NPAS3: variants seen among roughly 807,000 people sequenced by gnomAD.
NPAS3 encodes the protein neuronal PAS domain-containing protein 3.
In NPAS3, 14 loss-of-function variants were observed where a neutral mutation model predicts 73.1. The observed-to-expected ratio is 0.19, with a 90% CI of 0.13 to 0.30. The LOEUF (loss-of-function observed/expected upper bound fraction) is 0.30, where lower values mean the gene tolerates loss of function less well. NPAS3 is among the 10% of genes least tolerant of loss of function. The pLI is 1.00. For missense variants in NPAS3, 1,096 were observed against 1,250.0 expected, an observed-to-expected ratio of 0.88 and a Z score of 1.86; for synonymous variants, 620 against 541.5, an observed-to-expected ratio of 1.14 and a Z score of -2.01.
chr14:33,649,168 A>G (rs2058918616), intron 5 of NPAS3, among the ~76,000 whole-genome samples: 1 of 152,176 alleles, frequency 6.6e-6, no homozygotes, highest in Non-Finnish European at 1.5e-5. Context: ...CAGTATACAA[A>G]ACTTGATTGT....
At chr14:33,751,592 C>T (rs2061964319) in intron 7 of NPAS3, among the ~76,000 whole-genome samples, 1 of 152,206 alleles carries the variant, frequency 6.6e-6, no homozygotes, top group South Asian at 2.1e-4. Flanking sequence ...TTGGAAATGT[C>T]TCTGTATTTG....
chr14:33,448,800 G>T (rs2049644904), intron 4 of NPAS3, among the ~76,000 whole-genome samples: 1 of 152,174 alleles, frequency 6.6e-6, no homozygotes, highest in South Asian at 2.1e-4. Context: ...TGTCCGTACA[G>T]ATGTGAATGA....
chr14:33,466,708 C>T (rs2050542556), intron 4 of NPAS3, among the ~76,000 whole-genome samples: 2 of 152,146 alleles, frequency 1.3e-5, no homozygotes, highest in South Asian at 4.1e-4. Context: ...AGAGGCGTCT[C>T]ACATGATGGG....
At chr14:32,992,044 C>T (rs2038356267) in intron 1 of NPAS3, among the ~76,000 whole-genome samples, 1 of 152,212 alleles carries the variant, frequency 6.6e-6, no homozygotes, top group African/African-American at 2.4e-5. Context: ...AGCCAGATTA[C>T]ACTTAGAAGG....
At chr14:32,988,751 A>C (rs768841197) in intron 1 of NPAS3, among the ~76,000 whole-genome samples, 3 of 152,216 alleles carry the variant, frequency 2.0e-5, no homozygotes, top group African/African-American at 4.8e-5. Flanking sequence ...ATGTTCTCCA[A>C]AACTTCTCTA....
chr14:33,239,221 G>T (rs1475310268), intron 3 of NPAS3, among the ~76,000 whole-genome samples: 1 of 151,786 alleles, frequency 6.6e-6, no homozygotes, highest in African/African-American at 2.4e-5. Context: ...AAGTGATAAA[G>T]GGGAGTTTCA....
intron 4 of NPAS3, among the ~76,000 whole-genome samples, chr14:33,404,133 G>T (rs2138793641): frequency 6.6e-6 from 1 of 152,198 alleles, no homozygotes; most frequent in African/African-American, 2.4e-5. Context: ...ATTCTAGCTG[G>T]AAGGACTGGA....
At chr14:33,308,574 TGTATATC>T (rs1224084965) in intron 3 of NPAS3, among the ~76,000 whole-genome samples, 31 of 45,984 alleles carry the variant, frequency 6.7e-4, no homozygotes, top group Non-Finnish European at 9.5e-4. Flanking sequence ...ATTATATATA[TGTATATC>T]TATATATATG....
At chr14:33,658,803 C>T (rs1000444472) in intron 5 of NPAS3, among the ~76,000 whole-genome samples, 3 of 152,144 alleles carry the variant, frequency 2.0e-5, no homozygotes, top group African/African-American at 7.2e-5. Flanking sequence ...CTTCATCCCC[C>T]ACTAATAGTG....
chr14:33,591,612 T>G (rs2057069493), intron 5 of NPAS3, among the ~76,000 whole-genome samples: 1 of 152,170 alleles, frequency 6.6e-6, no homozygotes, highest in Non-Finnish European at 1.5e-5. Flanking sequence ...CAGCCTAATC[T>G]CAGTTGATTC....
At chr14:33,742,879 A>C (rs116249998) in intron 7 of NPAS3, among the ~76,000 whole-genome samples, 1 of 152,318 alleles carries the variant, frequency 6.6e-6, no homozygotes, top group African/African-American at 2.4e-5. Context: ...CATCTCAAGA[A>C]ACCACTTTCT....
At chr14:33,729,280 C>T (rs1371140256) in intron 6 of NPAS3, among the ~76,000 whole-genome samples, 3 of 152,100 alleles carry the variant, frequency 2.0e-5, no homozygotes, top group African/African-American at 2.4e-5. Flanking sequence ...GTTATGGACA[C>T]GCTGGGCCAC....
chr14:33,081,419 C>A (rs1429915776), intron 2 of NPAS3, among the ~76,000 whole-genome samples: 3 of 151,964 alleles, frequency 2.0e-5, no homozygotes, highest in African/African-American at 7.2e-5. Context: ...TGTGTGTGAG[C>A]AATCAGCTGC....
At chr14:33,074,116 A>C (rs1485000271) in intron 2 of NPAS3, among the ~76,000 whole-genome samples, 1 of 152,156 alleles carries the variant, frequency 6.6e-6, no homozygotes, top group East Asian at 1.9e-4. Context: ...TTAAAATTAT[A>C]TTTATTGATA....
At chr14:33,119,466 G>C (rs1420536994) in intron 2 of NPAS3, among the ~76,000 whole-genome samples, 1 of 152,094 alleles carries the variant, frequency 6.6e-6, no homozygotes, top group Non-Finnish European at 1.5e-5. Context: ...CAAGGGACAT[G>C]TAAGTTTCTC....
intron 4 of NPAS3, among the ~76,000 whole-genome samples, chr14:33,432,433 C>T (rs1308685824): frequency 6.6e-6 from 1 of 152,112 alleles, no homozygotes; most frequent in Admixed American, 6.5e-5. Context: ...ATGAAAATCT[C>T]ATTCACTTGT....
chr14:33,253,076 G>A (rs150042148), intron 3 of NPAS3, among the ~76,000 whole-genome samples: 13 of 152,104 alleles, frequency 8.5e-5, no homozygotes, highest in South Asian at 4.1e-4. Flanking sequence ...ATAGTGCTGC[G>A]ATGAACATAA....
intron 5 of NPAS3, among the ~76,000 whole-genome samples, chr14:33,620,236 C>T (rs896097674): frequency 6.6e-6 from 1 of 152,206 alleles, no homozygotes; most frequent in Non-Finnish European, 1.5e-5. Context: ...GATTCTAATT[C>T]ATAAATCTCA....
At chr14:33,219,765 A>G (rs1291711187) in intron 3 of NPAS3, among the ~76,000 whole-genome samples, 1 of 152,218 alleles carries the variant, frequency 6.6e-6, no homozygotes, top group East Asian at 1.9e-4. Context: ...AACTGAGTAC[A>G]GGTCGTACTC....
Sources: allele counts gnomAD v4.1 joint callset (sites outside exome capture counted in the v4.1 genomes callset), GRCh38; gene constraint gnomAD v4.1.1; transcripts MANE v1.5; gene names NCBI Gene and HGNC (gene_info 2026-07-23, HGNC 2026-07-21).